RELT: variants seen among roughly 807,000 people sequenced by gnomAD.
RELT encodes RELT TNF receptor.
A neutral mutation model predicts 51.1 loss-of-function variants in RELT; 37 were observed. The observed-to-expected ratio is 0.72, with a 90% CI of 0.56 to 0.95. The LOEUF is 0.95. RELT is among the 40% of genes least tolerant of loss of function. RELT has a pLI of 0.00. For missense variants in RELT, 535 were observed against 572.6 expected (o/e 0.93, Z 0.67); for synonymous variants, 241 against 235.7 (o/e 1.02, Z -0.21).
rs1590739000 is a variant in RELT at position 73,394,161 on chromosome 11, G to A, written c.707-75G>A. The A allele has an allele frequency of 7.4e-6, 10 of 1,359,436 alleles. No homozygotes were observed. In the East Asian group the frequency reaches 2.2e-4, roughly 31 times the overall value. The allele number at this position is 1,359,436 out of a possible 1,614,324, so 84.2% of individuals were successfully genotyped here. A position where few individuals can be genotyped will look rare whatever the true frequency, so the allele number is the denominator to read the frequency against. On this transcript the variant is annotated intron_variant, in intron 7 of 10. Transcript: ENST00000064780. This position sits in a 1 kb window ranked among gnomAD's most constrained non-coding sequence, Gnocchi z 4.9. ...TGGTGGTATGGAGGGTAGGTGGGGG[G>A]TTCTCTGCTGGGGCAGGGGGTGGGA...
intron 10 of RELT, 29 bp from the exon 11 acceptor site, chr11:73,395,415 A>G (rs1188529685): frequency 1.9e-6 from 2 of 1,051,306 alleles, no homozygotes; most frequent in South Asian, 1.2e-5. Context: ...CCCCTGACTC[A>G]GCTCTGACCC....
intron 1 of RELT, among the ~76,000 whole-genome samples, chr11:73,387,582 C>G (rs1866145406): frequency 6.6e-6 from 1 of 152,228 alleles, no homozygotes; most frequent in Non-Finnish European, 1.5e-5. Flanking sequence ...CCCTGGCTTT[C>G]CCCTGAGCTG....
At chr11:73,386,203 C>A (rs1866120514) in intron 1 of RELT, among the ~76,000 whole-genome samples, 1 of 152,180 alleles carries the variant, frequency 6.6e-6, no homozygotes, top group South Asian at 2.1e-4. Flanking sequence ...GGCCTCTAAG[C>A]CAAGTTCCTT....
rs760906645 is a variant in RELT, at chr11:73,394,437, T to C, written c.789-40T>C. 1 of 1,608,040 alleles carries C rather than the reference T, an allele frequency of 6.2e-7. No individual in the cohort carries two copies. The stretch of plus-strand genomic sequence containing the variant: ...GTTCCCTGCTGGGGTCTCCTGCCCC[T>C]GGCCTGGCCTATGGCCACTTCTGCC... On this transcript the variant is annotated intron_variant, in intron 8 of 10. Transcript: ENST00000064780. This position sits in a 1 kb window ranked among gnomAD's most constrained non-coding sequence, Gnocchi z 4.9.
intron 1 of RELT, among the ~76,000 whole-genome samples, chr11:73,386,628 G>A (rs993270134): frequency 1.3e-5 from 2 of 152,222 alleles, no homozygotes; most frequent in Middle Eastern, 3.2e-3. Context: ...GCCCTAGGTG[G>A]CAGTGTCTAT....
rs1327893389 is a variant in RELT at position 73,388,135 on chromosome 11, C to G, written c.-25-977C>G. ...GGGCCTCAGTCTCAGACCGGTGGGC[C>G]GTGACGCCACCATGGATATTTCTCT... On this transcript the variant is annotated intron_variant, in intron 1 of 10. Coordinates refer to ENST00000064780, the MANE Select transcript of RELT (RefSeq NM_152222.2). The surrounding 1 kb of genome is among the most constrained non-coding windows in gnomAD (Gnocchi z 4.1). 6.6e-6 allele frequency among the ~76,000 whole-genome samples: 1 copy of G among 152,174 alleles called. No homozygotes were observed. Among genetic ancestry groups the G allele is most frequent in the Admixed American group, 6.5e-5 (1 of 15,290 alleles).
At chr11:73,382,901 C>G (rs1866070787) in intron 1 of RELT, among the ~76,000 whole-genome samples, 1 of 152,190 alleles carries the variant, frequency 6.6e-6, no homozygotes, top group Non-Finnish European at 1.5e-5. Context: ...TGTACCATAC[C>G]CAGACTGGGA....
chr11:73,385,342 G>C (rs189235937), intron 1 of RELT, among the ~76,000 whole-genome samples: 36 of 152,332 alleles, frequency 2.4e-4, no homozygotes, highest in African/African-American at 8.2e-4. Context: ...CCTCCAGGCT[G>C]CACCTCCCTG....
At position 73,390,795 on chromosome 11, in the gene RELT, G is replaced by C; in HGVS notation, c.161G>C (p.Gly54Ala). Residue 54 changes from glycine to alanine, a missense_variant, in exon 4 of 11, where the codon GGC (glycine) becomes GCC (alanine). Transcript: ENST00000064780. ...ACATTATGCAGGCCCTGCCCCCCAG[G>C]CACCTTCTCAGCTGCATGGGGCTCC... ...QGTLCRPCPP[G>A]TFSAAWGSSP... The C allele has an allele frequency of 6.2e-7, 1 of 1,611,356 alleles. No individual in the cohort carries two copies. The highest frequency in any genetic ancestry group is 8.5e-7 in the Non-Finnish European group (1 of 1,179,154).
chr11:73,395,608 G>C lies in RELT; in HGVS notation c.*117G>C. ...ACCGAGAAGCAATGGCCCAGCAGAC[G>C]AGACAGCAAAGACCAAGGCCTGGAG... On this transcript the variant is annotated 3_prime_UTR_variant, in exon 11 of 11. Coordinates refer to ENST00000064780, the MANE Select transcript of RELT (RefSeq NM_152222.2). The C allele has an allele frequency of 1.3e-6, 1 of 750,790 alleles. No homozygotes were observed. The highest frequency in any genetic ancestry group is 2.4e-5 in the East Asian group (1 of 40,840). 46.5% of individuals were successfully genotyped at this position (750,790 alleles called of 1,614,324 possible). A position where few individuals can be genotyped will look rare whatever the true frequency, so the allele number is the denominator to read the frequency against.
chr11:73,392,314 G>A lies in RELT; in HGVS notation c.471G>A (p.Glu157=). 3.1e-6 allele frequency: 5 copies of A among 1,613,566 alleles called. No individual in the cohort carries two copies. Among genetic ancestry groups the A allele is most frequent in the Non-Finnish European group, 4.2e-6 (5 of 1,179,904 alleles). The change falls in exon 6 of 11, where the codon GAG becomes GAA. Residue 157 remains glutamate, a synonymous_variant. Transcript: ENST00000064780. ...ACGGCACCCGGGCAGGTGGCCCAGA[G>A]GAGACAGCCGCCCAGTACGCGGTCA... The part of the protein sequence containing the change: ...PGNGTRAGGP[E]ETAAQYAVIA...
Position 73,395,074 on chromosome 11 carries a change from A to C in RELT, c.1047-13A>C, listed in dbSNP as rs1866290292. The C allele has an allele frequency of 5.6e-6, 9 of 1,608,486 alleles. No homozygotes were observed. The highest frequency in any genetic ancestry group is 7.7e-6 in the Non-Finnish European group (9 of 1,176,412). ...CCCCGCTAACGGGGATGATTGCCCC[A>C]CTCTCCTCACAGGTTCCGCGTGGCT... On this transcript the variant is annotated splice_polypyrimidine_tract_variant and intron_variant, in intron 9 of 10. Transcript: ENST00000064780.
chr11:73,392,987 G>C (rs144172270), intron 6 of RELT: 1 of 1,005,170 alleles, frequency 9.9e-7, no homozygotes. Flanking sequence ...CCAGGGCCCC[G>C]GGCCCCTTTC....
At position 73,394,546 on chromosome 11, in the gene RELT, C is replaced by A. The variant is rs768749973; in HGVS notation, c.858C>A (p.Gly286=). Residue 286 remains glycine (G), a synonymous_variant, in exon 9 of 11, where the codon GGC becomes GGA. Transcript: ENST00000064780. The surrounding 1 kb of genome is among the most constrained non-coding windows in gnomAD (Gnocchi z 4.9). The part of the protein sequence containing the change: ...PHRHHLHTVQ[G]LASLSGPCCS... ...GCCACCATCTCCACACCGTGCAGGG[C>A]CTGGCCTCGCTCTCTGGCCCCTGCT... 6.2e-7 allele frequency: 1 copy of A among 1,611,942 alleles called. No homozygotes were observed. Among genetic ancestry groups the A allele is most frequent in the Admixed American group, 1.7e-5 (1 of 60,024 alleles).
At chr11:73,385,318 C>G (rs997435446) in intron 1 of RELT, among the ~76,000 whole-genome samples, 1 of 152,176 alleles carries the variant, frequency 6.6e-6, no homozygotes, top group Admixed American at 6.5e-5. Context: ...GCACAGCTTC[C>G]TCTTTCTCTG....
intron 1 of RELT, among the ~76,000 whole-genome samples, chr11:73,382,393 A>G (rs1866063686): frequency 6.6e-6 from 1 of 152,186 alleles, no homozygotes; most frequent in Non-Finnish European, 1.5e-5. Flanking sequence ...GATCAGTTTT[A>G]TGGCCGGGGC....
intron 5 of RELT, chr11:73,391,986 G>A (rs1866222324): frequency 1.7e-5 from 10 of 602,484 alleles, no homozygotes; most frequent in Non-Finnish European, 2.6e-5. Flanking sequence ...GGGGCTGGGT[G>A]TCTGGCCGTC....
chr11:73,378,405 A>G (rs957511402), intron 1 of RELT, among the ~76,000 whole-genome samples: 3 of 152,162 alleles, frequency 2.0e-5, no homozygotes, highest in African/African-American at 7.2e-5. Flanking sequence ...GTCTTGTTGA[A>G]TCTTCGCAGT....
Position 73,394,281 on chromosome 11 carries a change from A to T in RELT, c.752A>T (p.Lys251Ile). ...GAGCTGCTGAAAGAGTACCACAGCA[A>T]ACAGCTGGTGCAGACGAGCCACAGG... Reference protein sequence around the residue: ...LEELLKEYHSKQLVQTSHRPV... With the variant: ...LEELLKEYHSIQLVQTSHRPV... The change falls in exon 8 of 11, where the codon AAA (lysine) becomes ATA (isoleucine). Residue 251 changes from lysine (K) to isoleucine (I), a missense_variant. Transcript: ENST00000064780. This position sits in a 1 kb window ranked among gnomAD's most constrained non-coding sequence, Gnocchi z 4.9. 6.2e-7 allele frequency: 1 copy of T among 1,612,578 alleles called. No homozygotes were observed. The highest frequency in any genetic ancestry group is 8.5e-7 in the Non-Finnish European group (1 of 1,179,770).
Sources: allele counts gnomAD v4.1 joint callset (sites outside exome capture counted in the v4.1 genomes callset), GRCh38; gene constraint gnomAD v4.1.1; non-coding constraint Gnocchi (gnomAD v3.1); transcripts MANE v1.5; gene names NCBI Gene and HGNC (gene_info 2026-07-23, HGNC 2026-07-21).